The following CDC42BPB variants were observed in gnomAD, a reference collection of about 807,000 sequenced individuals.
CDC42BPB encodes the protein serine/threonine-protein kinase MRCK beta.
A neutral mutation model predicts 214.9 loss-of-function variants in CDC42BPB; 37 were observed. The ratio of observed to expected loss-of-function variants is 0.17; its 90% CI spans 0.13 to 0.23. CDC42BPB has a LOEUF of 0.23. CDC42BPB is among the 10% of genes least tolerant of loss of function. The probability of loss-of-function intolerance (pLI) is 1.00; values close to 1 mark genes in which losing one functional copy is unlikely to be tolerated. For missense variants in CDC42BPB, 1,694 were observed against 2,227.0 expected, an observed-to-expected ratio of 0.76 and a Z score of 4.82; for synonymous variants, 931 against 884.0, an observed-to-expected ratio of 1.05 and a Z score of -0.94.
chr14:102,981,127 G>A, intron 7 of CDC42BPB, 106 bp from the exon 8 acceptor site: 1 of 1,534,280 alleles, frequency 6.5e-7, no homozygotes, highest in Non-Finnish European at 8.7e-7. Context: ...TTCAAAGCAG[G>A]TCACTTCATG....
chr14:102,967,503 G>T (rs36043797), intron 16 of CDC42BPB, among the ~76,000 whole-genome samples: 1 of 152,200 alleles, frequency 6.6e-6, no homozygotes, highest in African/African-American at 2.4e-5. Context: ...GCAAGAACAC[G>T]GTCTGAGAAA....
chr14:102,967,297 C>T, intron 16 of CDC42BPB, 127 bp from the exon 17 acceptor site: 2 of 1,420,676 alleles, frequency 1.4e-6, no homozygotes, highest in East Asian at 2.5e-5. Context: ...TTTTTCCAAA[C>T]TAAGTTCATG....
intron 1 of CDC42BPB, among the ~76,000 whole-genome samples, chr14:103,056,336 G>A (rs1298619980): frequency 1.3e-5 from 2 of 152,172 alleles, no homozygotes; most frequent in African/African-American, 4.8e-5. Context: ...TCCCTTGAAG[G>A]TGTTACAGCA....
intron 1 of CDC42BPB, among the ~76,000 whole-genome samples, chr14:103,042,985 T>C (rs961534137): frequency 6.6e-6 from 1 of 151,098 alleles, no homozygotes; most frequent in Non-Finnish European, 1.5e-5. Flanking sequence ...GTTCAGAGAA[T>C]AGGTATTAAA....
chr14:103,016,197 G>C (rs1199475667), intron 1 of CDC42BPB, among the ~76,000 whole-genome samples: 1 of 152,250 alleles, frequency 6.6e-6, no homozygotes, highest in African/African-American at 2.4e-5. Context: ...TCTCTGAGGT[G>C]ACTGTGGCAG....
chr14:103,018,976 C>A (rs1164851120), intron 1 of CDC42BPB, among the ~76,000 whole-genome samples: 2 of 152,132 alleles, frequency 1.3e-5, no homozygotes, highest in African/African-American at 4.8e-5. Flanking sequence ...CAGGGTTTTG[C>A]TCTGTCGACC....
chr14:102,955,016 C>T (rs964815098), intron 21 of CDC42BPB, among the ~76,000 whole-genome samples: 5 of 152,204 alleles, frequency 3.3e-5, no homozygotes, highest in African/African-American at 7.2e-5. Flanking sequence ...TGAGCATACC[C>T]GCCCCCTCCT....
At chr14:103,008,716 A>G (rs1042535115) in intron 2 of CDC42BPB, 161 bp from the exon 3 acceptor site, 6 of 984,832 alleles carry the variant, frequency 6.1e-6, no homozygotes, top group Admixed American at 6.1e-5. Flanking sequence ...TCCTGCATCA[A>G]GAACCTTTTC....
rs190062988 is a variant in CDC42BPB at position 102,959,973 on chromosome 14, G to A, written c.2822-263C>T. On this transcript the variant is annotated intron_variant, in intron 20 of 36. Coordinates refer to ENST00000361246, the MANE Select transcript of CDC42BPB (RefSeq NM_006035.4). Reference sequence around the variant, plus strand: ...TGTAATCCCAACACTTTGGGAGGCCGAGGTGGGCGGATCACCTGAGGTCAG... The same window carrying A: ...TGTAATCCCAACACTTTGGGAGGCCAAGGTGGGCGGATCACCTGAGGTCAG... The A allele has an allele frequency of 4.2e-5, 13 of 308,542 alleles. No homozygotes were observed. The East Asian group carries it at 1.6e-3, about 37-fold the overall frequency. The allele number at this position is 308,542 out of a possible 1,614,324, so 19.1% of individuals were successfully genotyped here.
intron 1 of CDC42BPB, among the ~76,000 whole-genome samples, chr14:103,056,675 G>A (rs1044175837): frequency 4.0e-5 from 6 of 151,760 alleles, no homozygotes; most frequent in Admixed American, 3.3e-4. Flanking sequence ...GCCCGGCGGG[G>A]GGGAGGGGGT....
At position 102,950,567 on chromosome 14, in the gene CDC42BPB, C is replaced by T. The variant is rs758332208; in HGVS notation, c.3208G>A (p.Gly1070Ser). 14 of 1,605,596 alleles carry T rather than the reference C, an allele frequency of 8.7e-6. No individual in the cohort carries two copies. Among genetic ancestry groups the T allele is most frequent in the Admixed American group, 3.4e-5 (2 of 58,624 alleles). ...GGTATTGGGCACACCTGGGGGGCAC[C>T]GTCTTTGCAGGACACGTGGCAAGCA... Reference protein sequence around the residue: ...SFACHVSCKDGAPQVCPIPPE... With the variant: ...SFACHVSCKDSAPQVCPIPPE... Residue 1070 changes from glycine (G) to serine (S), a missense_variant, in exon 25 of 37, where the codon GGT (glycine) becomes AGT (serine). Coordinates refer to ENST00000361246, the MANE Select transcript of CDC42BPB (RefSeq NM_006035.4).
At chr14:103,007,215 C>A (rs1018269973) in intron 3 of CDC42BPB, among the ~76,000 whole-genome samples, 1 of 152,196 alleles carries the variant, frequency 6.6e-6, no homozygotes, top group Admixed American at 6.5e-5. Context: ...ACTCTGTCAA[C>A]CAACACGCGT....
chr14:102,947,176 G>A (rs1037488290), intron 27 of CDC42BPB, among the ~76,000 whole-genome samples: 1 of 152,174 alleles, frequency 6.6e-6, no homozygotes, highest in African/African-American at 2.4e-5. Context: ...TTTAGTAAAA[G>A]CTAATTTATA....
At chr14:103,037,435 A>G (rs372330820) in intron 1 of CDC42BPB, among the ~76,000 whole-genome samples, 3 of 152,316 alleles carry the variant, frequency 2.0e-5, no homozygotes, top group African/African-American at 7.2e-5. Context: ...CCGGGATTAC[A>G]GGTGTGCACC....
chr14:102,933,672 C>A lies in CDC42BPB; in HGVS notation c.*40G>T. On this transcript the variant is annotated 3_prime_UTR_variant, in exon 37 of 37. Coordinates refer to ENST00000361246, the MANE Select transcript of CDC42BPB (RefSeq NM_006035.4). ...TCAGTCTTGGCACTGACGCTGGAGG[C>A]CATCTCCAGCTCCCTGGCCCCTGTG... is the stretch of plus-strand genomic sequence containing the variant. 7.1e-7 allele frequency: 1 copy of A among 1,402,356 alleles called. No individual in the cohort carries two copies. 86.9% of individuals were successfully genotyped at this position (1,402,356 alleles called of 1,614,324 possible).
chr14:103,045,801 G>A (rs757794734), intron 1 of CDC42BPB, among the ~76,000 whole-genome samples: 1 of 152,144 alleles, frequency 6.6e-6, no homozygotes, highest in Non-Finnish European at 1.5e-5. Flanking sequence ...AACCACAGCG[G>A]CGCATAATCA....
At chr14:102,984,016 A>G (rs1342207089) in intron 6 of CDC42BPB, 1 of 296,744 alleles carries the variant, frequency 3.4e-6, no homozygotes, top group Non-Finnish European at 5.0e-6. Flanking sequence ...ATGGTCCCCA[A>G]CCCTGTCTCT....
At chr14:103,056,258 A>G (rs1240507958) in intron 1 of CDC42BPB, among the ~76,000 whole-genome samples, 1 of 152,206 alleles carries the variant, frequency 6.6e-6, no homozygotes, top group African/African-American at 2.4e-5. Context: ...AAGGTCTAGC[A>G]GAATTGGAAT....
At chr14:102,947,876 G>C in intron 26 of CDC42BPB, 74 bp from the exon 27 acceptor site, 1 of 1,602,202 alleles carries the variant, frequency 6.2e-7, no homozygotes, top group South Asian at 1.1e-5. Flanking sequence ...GCCCTGCCCT[G>C]CCCTGCCCTG....
Sources: allele counts gnomAD v4.1 joint callset (sites outside exome capture counted in the v4.1 genomes callset), GRCh38; gene constraint gnomAD v4.1.1; transcripts MANE v1.5; gene names NCBI Gene and HGNC (gene_info 2026-07-23, HGNC 2026-07-21).